The following FANK1 variants were observed in gnomAD, a reference collection of about 807,000 sequenced individuals.
FANK1 encodes fibronectin type III and ankyrin repeat domains 1.
Under a neutral mutation model 45.3 loss-of-function variants are expected in FANK1, and 44 were observed. That is an observed-to-expected ratio of 0.97 (90% confidence interval 0.76 to 1.25). The LOEUF (loss-of-function observed/expected upper bound fraction) is 1.25. Among genes scored for constraint, FANK1 ranks in the 50% most tolerant of loss-of-function variants. The pLI, the probability that FANK1 is intolerant of heterozygous loss-of-function variation, is 0.00. For missense variants in FANK1, 391 were observed against 424.4 expected (o/e 0.92, Z 0.69); for synonymous variants, 149 against 152.5 (o/e 0.98, Z 0.17).
intron 4 of FANK1, 147 bp downstream of exon 4, chr10:125,995,645 A>G (rs778869125): frequency 1.5e-6 from 1 of 670,430 alleles, no homozygotes; most frequent in Non-Finnish European, 2.7e-6. Flanking sequence ...GTGTGAGTTA[A>G]TAAACCACAG....
chr10:125,992,317 G>A (rs957789203), intron 3 of FANK1, among the ~76,000 whole-genome samples: 2 of 152,114 alleles, frequency 1.3e-5, no homozygotes, highest in South Asian at 2.1e-4. Flanking sequence ...AAATGGAGAC[G>A]TTTTCGTACC....
rs371121160 is a variant in FANK1, at chr10:125,948,533, A to G, written c.14-31628A>G. The stretch of plus-strand genomic sequence containing the variant: ...TCTAGAAGAAATGGATAAATTCCTC[A>G]ACACATACACTCTCCCAAGACTAAA... On this transcript the variant is annotated intron_variant, in intron 1 of 10. Coordinates refer to ENST00000368693, the MANE Select transcript of FANK1 (RefSeq NM_145235.5). Among the ~76,000 whole-genome samples, 252 of 152,296 alleles carry G rather than the reference A, an allele frequency of 1.7e-3. 1 individual carries two copies. Among genetic ancestry groups the G allele is most frequent in the Non-Finnish European group, 2.8e-3 (191 of 68,000 alleles).
intron 1 of FANK1, among the ~76,000 whole-genome samples, chr10:125,930,548 G>A (rs1458492441): frequency 6.6e-6 from 1 of 151,174 alleles, no homozygotes; most frequent in Admixed American, 6.6e-5. Context: ...ATGTTTCCCA[G>A]GCTGGTCTTG....
At chr10:125,925,529 TC>T (rs1315728139) in intron 1 of FANK1, among the ~76,000 whole-genome samples, 3 of 152,118 alleles carry the variant, frequency 2.0e-5, no homozygotes, top group Non-Finnish European at 4.4e-5. Context: ...CCTACCTCAG[TC>T]TTTAGAGTGA....
chr10:125,925,735 A>G (rs1208594542), intron 1 of FANK1, among the ~76,000 whole-genome samples: 1 of 150,880 alleles, frequency 6.6e-6, no homozygotes, highest in African/African-American at 2.5e-5. Context: ...AAATCATTCA[A>G]TATCTTTGTA....
intron 1 of FANK1, among the ~76,000 whole-genome samples, chr10:125,929,402 G>A (rs2134139844): frequency 6.6e-6 from 1 of 152,258 alleles, no homozygotes; most frequent in South Asian, 2.1e-4. Flanking sequence ...AGGAAGGAGG[G>A]CAGGGTTTAT....
At chr10:125,988,136 T>C (rs1029390849) in intron 2 of FANK1, among the ~76,000 whole-genome samples, 1 of 152,222 alleles carries the variant, frequency 6.6e-6, no homozygotes, top group African/African-American at 2.4e-5. Flanking sequence ...GTATTTTGCC[T>C]GCAATAGTTA....
rs559057875 is a variant in FANK1 at position 125,916,398 on chromosome 10, T to C, written c.13+19743T>C. 3.1e-3 allele frequency among the ~76,000 whole-genome samples: 464 copies of C among 152,070 alleles called. 1 individual carries two copies. Among genetic ancestry groups the C allele is most frequent in the African/African-American group, 0.01 (426 of 41,478 alleles). On this transcript the variant is annotated intron_variant, in intron 1 of 10. Transcript: ENST00000368693. ...TCAGTATTCCCCTCACATAGGTTTA[T>C]GAAGAAGGCATTTTAAAAAGAGAAC...
chr10:125,919,925 C>A (rs185880122), intron 1 of FANK1, among the ~76,000 whole-genome samples: 5 of 152,184 alleles, frequency 3.3e-5, no homozygotes, highest in Non-Finnish European at 4.4e-5. Flanking sequence ...TATAGTAATT[C>A]TGGAGTCTTT....
chr10:125,899,037 GGTGT>G (rs753251528), intron 1 of FANK1, among the ~76,000 whole-genome samples: 8 of 151,890 alleles, frequency 5.3e-5, no homozygotes, highest in Non-Finnish European at 1.0e-4. Flanking sequence ...TGTGACTACA[GGTGT>G]GTGCCACCAT....
At chr10:125,990,628 A>C (rs935769186) in intron 3 of FANK1, among the ~76,000 whole-genome samples, 2 of 152,086 alleles carry the variant, frequency 1.3e-5, no homozygotes, top group Non-Finnish European at 2.9e-5. Flanking sequence ...CATCCTCTTA[A>C]TAGCACACCA....
chr10:125,904,300 A>G (rs931516142), intron 1 of FANK1, among the ~76,000 whole-genome samples: 1 of 152,280 alleles, frequency 6.6e-6, no homozygotes, highest in African/African-American at 2.4e-5. Context: ...AAACATAAGA[A>G]GTATGTATAC....
intron 7 of FANK1, among the ~76,000 whole-genome samples, chr10:126,006,403 A>C (rs1564975941): frequency 6.6e-6 from 1 of 152,238 alleles, no homozygotes; most frequent in Non-Finnish European, 1.5e-5. Context: ...GCACAGAGGC[A>C]GAAGGCTGAG....
chr10:126,008,526 C>G lies in FANK1; in HGVS notation c.825C>G (p.Asp275Glu). 6.2e-7 allele frequency: 1 copy of G among 1,612,252 alleles called. No individual in the cohort carries two copies. The highest frequency in any genetic ancestry group is 1.7e-5 in the Admixed American group (1 of 59,554). Residue 275 changes from aspartate (D) to glutamate (E), a missense_variant, in exon 8 of 11, where the codon GAC (aspartate) becomes GAG (glutamate). Transcript: ENST00000368693. ...IDAGANVNVK[D>E]RNGKTPLMVA... is the part of the protein sequence containing the mutation. The stretch of plus-strand genomic sequence containing the variant: ...CTGGGGCCAATGTGAATGTGAAGGA[C>G]AGAAATGGAAAGACGCCCCTTATGG...
intron 1 of FANK1, among the ~76,000 whole-genome samples, chr10:125,910,452 C>T (rs1265571429): frequency 6.6e-6 from 1 of 152,120 alleles, no homozygotes; most frequent in Non-Finnish European, 1.5e-5. Context: ...TCTTCCTGTC[C>T]TACAGGTAAC....
At chr10:125,947,390 A>G (rs1239999050) in intron 1 of FANK1, among the ~76,000 whole-genome samples, 1 of 149,946 alleles carries the variant, frequency 6.7e-6, no homozygotes. Flanking sequence ...AGAGACACAC[A>G]TAGGCTCAAA....
intron 1 of FANK1, among the ~76,000 whole-genome samples, chr10:125,911,401 AATAAG>A (rs886130383): frequency 6.6e-6 from 1 of 152,218 alleles, no homozygotes; most frequent in Non-Finnish European, 1.5e-5. Context: ...CTGGGCTCAT[AATAAG>A]ATAAGTTTCT....
intron 1 of FANK1, among the ~76,000 whole-genome samples, chr10:125,925,032 T>G (rs1203299048): frequency 6.6e-6 from 1 of 152,224 alleles, no homozygotes; most frequent in Non-Finnish European, 1.5e-5. Context: ...TCTATATGGT[T>G]AATTTTTGAA....
chr10:125,997,666 G>A (rs1335832279), intron 6 of FANK1, among the ~76,000 whole-genome samples, 181 bp downstream of exon 6: 1 of 152,218 alleles, frequency 6.6e-6, no homozygotes. Context: ...ATGGTCTTGT[G>A]CTTTTGCTCA....
Sources: gnomAD v4.1 joint callset for allele counts (sites outside exome capture counted in the v4.1 genomes callset) on GRCh38, gnomAD v4.1.1 for gene constraint, MANE v1.5 for transcripts, NCBI Gene and HGNC (gene_info 2026-07-23, HGNC 2026-07-21) for gene names.